The following ANO2 variants were observed in gnomAD, a reference collection of about 807,000 sequenced individuals.
ANO2 encodes anoctamin-2.
Under a neutral mutation model 124.2 loss-of-function variants are expected in ANO2, and 101 were observed. The observed-to-expected ratio is 0.81, with a 90% CI of 0.69 to 0.96. ANO2 has a LOEUF of 0.96. ANO2 is among the 40% of genes least tolerant of loss of function. ANO2 has a pLI of 0.00. For missense variants in ANO2, 1,293 were observed against 1,274.5 expected (o/e 1.01, Z -0.22); for synonymous variants, 486 against 482.5 (o/e 1.01, Z -0.09).
In ANO2 at chr12:5,849,020, G is replaced by C. The variant is rs1325136382; in HGVS notation, c.633+5023C>G. Among the ~76,000 whole-genome samples the C allele has an allele frequency of 2.0e-5, 3 of 152,320 alleles. No homozygotes were observed. In the East Asian group the frequency reaches 5.8e-4, roughly 29 times the overall value. On this transcript the variant is annotated intron_variant, in intron 4 of 24. Coordinates refer to ENST00000682330, the MANE Select transcript of ANO2 (RefSeq NM_001364791.2). ...TACTCCCGTTTTGGAGATGCATGGA[G>C]CTCTGAGCCTGCTTTCCTAAAAAGG...
rs12314730 is a variant in ANO2, at chr12:5,576,001, C to T, written c.2454G>A (p.Ala818=). 6.8e-6 allele frequency: 11 copies of T among 1,606,606 alleles called. No homozygotes were observed. Among genetic ancestry groups the T allele is most frequent in the African/African-American group, 1.3e-5 (1 of 74,746 alleles). ...GGCGGGGGATAAAGTCGGAGGTGAT[C>T]GCAATGACAAAAGCCTGAGGGACAG... is the stretch of plus-strand genomic sequence containing the variant. The part of the protein sequence containing the change: ...FSVISNAFVI[A]ITSDFIPRLV... The change falls in exon 23 of 25, where the codon GCG becomes GCA. Residue 818 remains alanine (A), a synonymous_variant. Transcript: ENST00000682330.
At chr12:5,889,454 A>C (rs774371566) in intron 3 of ANO2, among the ~76,000 whole-genome samples, 16 of 152,260 alleles carry the variant, frequency 1.1e-4, no homozygotes, top group Non-Finnish European at 2.2e-4. Flanking sequence ...AGTTGGACAA[A>C]AAGCAATTAC....
chr12:5,788,839 G>A (rs532133003), intron 10 of ANO2, among the ~76,000 whole-genome samples: 12 of 152,172 alleles, frequency 7.9e-5, no homozygotes, highest in Admixed American at 2.0e-4. Context: ...GATTACAGGC[G>A]TGAGCCACCA....
intron 14 of ANO2, among the ~76,000 whole-genome samples, chr12:5,703,034 A>T (rs80005607): frequency 0.012 from 1,758 of 152,318 alleles, 38 homozygotes; most frequent in African/African-American, 0.039. Context: ...TCCAAAACAC[A>T]TATGTAAGAG....
intron 14 of ANO2, among the ~76,000 whole-genome samples, chr12:5,655,555 C>G (rs957098349): frequency 1.3e-5 from 2 of 152,220 alleles, no homozygotes. Context: ...TTTCCTTCTG[C>G]TGGGTGTGGC....
Position 5,635,608 on chromosome 12 carries a change from C to CACACAT in ANO2, c.1621-262_1621-261insATGTGT, listed in dbSNP as rs1945976885. 6.6e-6 allele frequency among the ~76,000 whole-genome samples: 1 copy of CACACAT among 151,504 alleles called. No homozygotes were observed. The highest frequency in any genetic ancestry group is 6.6e-5 in the Admixed American group (1 of 15,168). On this transcript the variant is annotated intron_variant, in intron 15 of 24. Coordinates refer to ENST00000682330, the MANE Select transcript of ANO2 (RefSeq NM_001364791.2). The surrounding 1 kb of genome is among the most constrained non-coding windows in gnomAD (Gnocchi z 5.2). ...GATTCCAAATGATTTATCACACACA[C>CACACAT]ACACACACACACACACACACAATAA...
chr12:5,664,295 C>T (rs1947592415), intron 14 of ANO2, among the ~76,000 whole-genome samples: 1 of 152,154 alleles, frequency 6.6e-6, no homozygotes, highest in Admixed American at 6.5e-5. Flanking sequence ...AGGCATCCAT[C>T]ATTCTACCCA....
chr12:5,631,223 T>G (rs571295405), intron 16 of ANO2, among the ~76,000 whole-genome samples: 1 of 152,332 alleles, frequency 6.6e-6, no homozygotes, highest in East Asian at 1.9e-4. Context: ...ATCCAATGAA[T>G]AGTGTGGATA....
chr12:5,937,727 G>A (rs1565796548), intron 1 of ANO2, among the ~76,000 whole-genome samples: 1 of 152,232 alleles, frequency 6.6e-6, no homozygotes, highest in South Asian at 2.1e-4. Context: ...GTTGTTGCCA[G>A]GGTATGCTGT....
intron 3 of ANO2, among the ~76,000 whole-genome samples, chr12:5,866,605 T>C (rs369413630): frequency 2.0e-5 from 3 of 152,222 alleles, no homozygotes; most frequent in Non-Finnish European, 4.4e-5. Flanking sequence ...GATTTGCACA[T>C]GCCGTTGTGA....
chr12:5,689,331 A>G (rs2137011194), intron 14 of ANO2, among the ~76,000 whole-genome samples: 1 of 152,328 alleles, frequency 6.6e-6, no homozygotes. Flanking sequence ...GCAAAAGAAA[A>G]GAGATCATTT....
At chr12:5,755,585 G>T (rs1951558676) in intron 10 of ANO2, among the ~76,000 whole-genome samples, 1 of 151,790 alleles carries the variant, frequency 6.6e-6, no homozygotes, top group Non-Finnish European at 1.5e-5. Context: ...GCCCTGGTGT[G>T]TGATGTTCCC....
intron 4 of ANO2, among the ~76,000 whole-genome samples, chr12:5,844,626 T>C (rs1954622654): frequency 6.6e-6 from 1 of 152,198 alleles, no homozygotes; most frequent in Non-Finnish European, 1.5e-5. Flanking sequence ...GTGAGAAAGC[T>C]GTCATCCAGG....
intron 13 of ANO2, among the ~76,000 whole-genome samples, chr12:5,735,500 C>T (rs1334314956): frequency 6.6e-6 from 1 of 152,218 alleles, no homozygotes; most frequent in Non-Finnish European, 1.5e-5. Flanking sequence ...AAGATCCCTC[C>T]TTCCCTGGAA....
chr12:5,818,662 C>T (rs928821029), intron 7 of ANO2, among the ~76,000 whole-genome samples: 13 of 151,208 alleles, frequency 8.6e-5, no homozygotes, highest in Non-Finnish European at 1.9e-4. Context: ...GATTAGACCC[C>T]AAAATGCTAA....
At chr12:5,786,718 A>T (rs796680818) in intron 10 of ANO2, among the ~76,000 whole-genome samples, 1 of 152,156 alleles carries the variant, frequency 6.6e-6, no homozygotes, top group Non-Finnish European at 1.5e-5. Flanking sequence ...TGCATGTCTC[A>T]TCAACACAGT....
chr12:5,641,179 A>T (rs1156882532), intron 15 of ANO2, among the ~76,000 whole-genome samples: 2 of 150,246 alleles, frequency 1.3e-5, no homozygotes, highest in Non-Finnish European at 3.0e-5. Flanking sequence ...AACAATGAGA[A>T]CACTTGGACA....
intron 1 of ANO2, among the ~76,000 whole-genome samples, chr12:5,934,474 T>C (rs536127048): frequency 4.9e-4 from 75 of 152,348 alleles, no homozygotes; most frequent in Middle Eastern, 3.4e-3. Context: ...TTATTGAGAA[T>C]GTAATCGAAT....
At chr12:5,748,105 C>T (rs902835036) in intron 11 of ANO2, among the ~76,000 whole-genome samples, 4 of 152,036 alleles carry the variant, frequency 2.6e-5, no homozygotes, top group South Asian at 2.1e-4. Flanking sequence ...CATCTGTGTG[C>T]GCGTGCATGA....
Sources: gnomAD v4.1 joint callset for allele counts (sites outside exome capture counted in the v4.1 genomes callset) on GRCh38, gnomAD v4.1.1 for gene constraint, Gnocchi (gnomAD v3.1) non-coding constraint, MANE v1.5 for transcripts, NCBI Gene and HGNC (gene_info 2026-07-23, HGNC 2026-07-21) for gene names.